The following GRM8 variants were observed in gnomAD, a reference collection of about 807,000 sequenced individuals.
GRM8 encodes metabotropic glutamate receptor 8.
Under a neutral mutation model 87.2 loss-of-function variants are expected in GRM8, and 47 were observed. The ratio of observed to expected loss-of-function variants is 0.54; its 90% CI spans 0.43 to 0.69. The LOEUF is 0.69. Among genes scored for constraint, GRM8 ranks in the 30% least tolerant of loss-of-function variants. The pLI, the probability that GRM8 is intolerant of heterozygous loss-of-function variation, is 0.00. For missense variants in GRM8, 1,019 were observed against 1,139.2 expected (o/e 0.89, Z 1.52); for synonymous variants, 396 against 404.5 (o/e 0.98, Z 0.25).
At chr7:127,230,340 C>T (rs1797606320) in intron 2 of GRM8, among the ~76,000 whole-genome samples, 1 of 152,144 alleles carries the variant, frequency 6.6e-6, no homozygotes, top group Non-Finnish European at 1.5e-5. Context: ...CAGAGAGATG[C>T]TGTGAGAGGG....
At chr7:126,448,302 A>G (rs892190063) in intron 9 of GRM8, among the ~76,000 whole-genome samples, 1 of 151,970 alleles carries the variant, frequency 6.6e-6, no homozygotes, top group Non-Finnish European at 1.5e-5. Context: ...GGGAACATCT[A>G]TACTGATTAG....
intron 3 of GRM8, among the ~76,000 whole-genome samples, chr7:127,047,693 T>A (rs965188540): frequency 2.0e-5 from 3 of 152,090 alleles, no homozygotes; most frequent in Non-Finnish European, 2.9e-5. Context: ...TAGCCAGGCA[T>A]GGTGATTCAT....
At chr7:127,025,934 G>A (rs1816737024) in intron 3 of GRM8, among the ~76,000 whole-genome samples, 1 of 152,052 alleles carries the variant, frequency 6.6e-6, no homozygotes, top group Non-Finnish European at 1.5e-5. Flanking sequence ...CATGTACCAT[G>A]TTGGTTTGCT....
At chr7:126,668,521 C>T (rs1183477765) in intron 7 of GRM8, among the ~76,000 whole-genome samples, 4 of 152,088 alleles carry the variant, frequency 2.6e-5, no homozygotes, top group Non-Finnish European at 4.4e-5. Context: ...AGCTCCCCAC[C>T]GCCACCCCCA....
At chr7:126,910,979 A>G (rs1803224127) in intron 3 of GRM8, among the ~76,000 whole-genome samples, 1 of 152,174 alleles carries the variant, frequency 6.6e-6, no homozygotes. Flanking sequence ...ACTATCTCTC[A>G]GGTATACTGT....
At chr7:127,209,531 G>A (rs1362239299) in intron 2 of GRM8, among the ~76,000 whole-genome samples, 1 of 152,188 alleles carries the variant, frequency 6.6e-6, no homozygotes, top group Non-Finnish European at 1.5e-5. Context: ...CAGAGCTAGA[G>A]TCAGAGTTTC....
chr7:127,154,245 C>T (rs1055585403), intron 2 of GRM8, among the ~76,000 whole-genome samples: 7 of 152,136 alleles, frequency 4.6e-5, no homozygotes, highest in African/African-American at 1.4e-4. Flanking sequence ...ACGCCTAGCT[C>T]TCTTGCTCAG....
At chr7:126,468,216 AT>A (rs771947384) in intron 9 of GRM8, among the ~76,000 whole-genome samples, 1 of 151,960 alleles carries the variant, frequency 6.6e-6, no homozygotes, top group Non-Finnish European at 1.5e-5. Flanking sequence ...TGCAAAAAGA[AT>A]TGAAATGCTG....
chr7:127,081,334 C>G (rs1822845812), intron 3 of GRM8, among the ~76,000 whole-genome samples: 1 of 152,162 alleles, frequency 6.6e-6, no homozygotes, highest in Non-Finnish European at 1.5e-5. Flanking sequence ...AGCCCTTTTA[C>G]CTGACTAACA....
chr7:126,500,937 T>C (rs575201756), intron 9 of GRM8, among the ~76,000 whole-genome samples: 1 of 152,152 alleles, frequency 6.6e-6, no homozygotes, highest in Non-Finnish European at 1.5e-5. Context: ...TCCCTTAGTC[T>C]TTGTTTATCA....
chr7:126,874,544 A>T (rs1375829764), intron 6 of GRM8, among the ~76,000 whole-genome samples: 1 of 152,014 alleles, frequency 6.6e-6, no homozygotes. Context: ...CCATACTGAC[A>T]TTTTACTTTC....
intron 7 of GRM8, among the ~76,000 whole-genome samples, chr7:126,745,392 A>ATATATTATATTATATTATATTGTAT (rs1815530633): frequency 2.1e-5 from 3 of 146,176 alleles, no homozygotes; most frequent in Non-Finnish European, 1.5e-5. Flanking sequence ...AGACATAGTC[A>ATATATTATATTATATTATATTGTAT]TATATTATAT....
At chr7:127,212,481 G>C (rs935410155) in intron 2 of GRM8, among the ~76,000 whole-genome samples, 1 of 147,574 alleles carries the variant, frequency 6.8e-6, no homozygotes, top group Non-Finnish European at 1.5e-5. Flanking sequence ...GCAGTGGCGG[G>C]ATCTCGGCTC....
chr7:126,895,991 T>C (rs1801509803), intron 6 of GRM8, among the ~76,000 whole-genome samples: 1 of 145,810 alleles, frequency 6.9e-6, no homozygotes, highest in Non-Finnish European at 1.5e-5. Context: ...ATATCTAATA[T>C]AAGTAAATAA....
intron 6 of GRM8, among the ~76,000 whole-genome samples, chr7:126,831,248 A>G (rs944615366): frequency 3.9e-5 from 6 of 152,208 alleles, no homozygotes; most frequent in Non-Finnish European, 5.9e-5. Flanking sequence ...AGACAGGGAC[A>G]TTTAAGTCTG....
At chr7:127,164,190 C>T (rs558864324) in intron 2 of GRM8, among the ~76,000 whole-genome samples, 3 of 152,104 alleles carry the variant, frequency 2.0e-5, no homozygotes, top group Admixed American at 1.3e-4. Flanking sequence ...GCCTGCTCCC[C>T]CTTTGCCTTC....
intron 6 of GRM8, among the ~76,000 whole-genome samples, chr7:126,784,832 C>T (rs1411998428): frequency 6.6e-6 from 1 of 152,116 alleles, no homozygotes; most frequent in Non-Finnish European, 1.5e-5. Context: ...CTCTGCCTGT[C>T]TATTCAAAGT....
chr7:126,685,792 G>GCGGCA lies in GRM8; in HGVS notation c.1358-76299_1358-76295dup, dbSNP rs1808118860. 3.3e-5 allele frequency among the ~76,000 whole-genome samples: 5 copies of GCGGCA among 152,130 alleles called. No individual in the cohort carries two copies. In the South Asian group the frequency reaches 1.0e-3, roughly 32 times the overall value. On this transcript the variant is annotated intron_variant, in intron 7 of 10. Transcript: ENST00000339582. This position sits in a 1 kb window ranked among gnomAD's most constrained non-coding sequence, Gnocchi z 4.2. ...GTCTGGGTGCGATGAATGGTGACAG[G>GCGGCA]CGGCAGACAGGCTCCTGGGCAGAAG...
intron 7 of GRM8, among the ~76,000 whole-genome samples, chr7:126,661,416 A>C (rs1410779952): frequency 1.3e-5 from 2 of 152,230 alleles, no homozygotes; most frequent in Non-Finnish European, 2.9e-5. Flanking sequence ...TAAAAAACTC[A>C]GGTTTCTAAG....
Sources: allele counts gnomAD v4.1 joint callset (sites outside exome capture counted in the v4.1 genomes callset), GRCh38; gene constraint gnomAD v4.1.1; non-coding constraint Gnocchi (gnomAD v3.1); transcripts MANE v1.5; gene names NCBI Gene and HGNC (gene_info 2026-07-23, HGNC 2026-07-21).